The following CNMD variants were observed in gnomAD, a reference collection of about 807,000 sequenced individuals.
CNMD encodes the protein leukocyte cell-derived chemotaxin 1.
Under a neutral mutation model 37.5 loss-of-function variants are expected in CNMD, and 30 were observed. The observed-to-expected ratio is 0.80, with a 90% CI of 0.60 to 1.09. CNMD has a LOEUF of 1.09. CNMD is among the 50% of genes least tolerant of loss of function. CNMD has a pLI of 0.00. For missense variants in CNMD, 398 were observed against 423.9 expected, an observed-to-expected ratio of 0.94 and a Z score of 0.54; for synonymous variants, 167 against 148.2, an observed-to-expected ratio of 1.13 and a Z score of -0.92.
chr13:52,739,203 G>A lies in CNMD; in HGVS notation c.73-32C>T, dbSNP rs1964838839. 2.8e-6 allele frequency: 4 copies of A among 1,447,198 alleles called. No individual in the cohort carries two copies. In the East Asian group the frequency reaches 8.2e-5, roughly 30 times the overall value. 89.6% of individuals were successfully genotyped at this position (1,447,198 alleles called of 1,614,324 possible). On this transcript the variant is annotated intron_variant, in intron 1 of 6. Transcript: ENST00000377962. The surrounding 1 kb of genome is among the most constrained non-coding windows in gnomAD (Gnocchi z 5.4). The stretch of plus-strand genomic sequence containing the variant: ...GCCGGGGCGGGAGAGGGACCGTCGC[G>A]TTTGTGCCGCCAGCACCTGCGGCCC...
chr13:52,733,622 T>G, intron 2 of CNMD: 1 of 510,928 alleles, frequency 2.0e-6, no homozygotes, highest in South Asian at 1.7e-5. Context: ...ATGCTGGCTG[T>G]ACTTTAGAAG....
intron 3 of CNMD, among the ~76,000 whole-genome samples, chr13:52,728,971 A>T (rs1273486422): frequency 1.3e-5 from 2 of 152,166 alleles, no homozygotes; most frequent in Admixed American, 1.3e-4. Flanking sequence ...AGCCAAGCAA[A>T]CCTCCTGTTT....
intron 5 of CNMD, among the ~76,000 whole-genome samples, chr13:52,709,954 C>T (rs952669813): frequency 6.6e-6 from 1 of 151,998 alleles, no homozygotes; most frequent in African/African-American, 2.4e-5. Flanking sequence ...GCCTGGGTGA[C>T]GAGTGAAACT....
At chr13:52,712,178 T>C (rs1367922281) in intron 5 of CNMD, among the ~76,000 whole-genome samples, 2 of 102,734 alleles carry the variant, frequency 1.9e-5, no homozygotes, top group South Asian at 4.0e-4. Context: ...CTCAAAGATA[T>C]GCTCCAGCCT....
intron 3 of CNMD, among the ~76,000 whole-genome samples, chr13:52,727,498 C>T (rs927005906): frequency 6.6e-6 from 1 of 151,998 alleles, no homozygotes. Context: ...CCCATTTCTA[C>T]AAAAAAATTT....
chr13:52,726,020 T>C (rs765177229), intron 3 of CNMD, among the ~76,000 whole-genome samples: 4 of 152,220 alleles, frequency 2.6e-5, no homozygotes, highest in Non-Finnish European at 4.4e-5. Context: ...TGTATACATA[T>C]GTAACTCATT....
chr13:52,708,522 G>A lies in CNMD; in HGVS notation c.789+14C>T, dbSNP rs766424034. On this transcript the variant is annotated intron_variant, in intron 6 of 6. Coordinates refer to ENST00000377962, the MANE Select transcript of CNMD (RefSeq NM_007015.3). ...TGCATTTGTCTAATCATGTCAAAAA[G>A]CACCGGAACGCACATGATAAGGATT... 7 of 1,600,274 alleles carry A rather than the reference G, an allele frequency of 4.4e-6. No individual in the cohort carries two copies. In the South Asian group the frequency reaches 5.7e-5, roughly 13 times the overall value.
At chr13:52,724,518 G>A (rs978149665) in intron 3 of CNMD, among the ~76,000 whole-genome samples, 4 of 152,170 alleles carry the variant, frequency 2.6e-5, no homozygotes, top group South Asian at 2.1e-4. Context: ...GTGAACCGGG[G>A]AGGCGGAGCT....
At chr13:52,736,773 A>T (rs1363320537) in intron 2 of CNMD, among the ~76,000 whole-genome samples, 1 of 152,192 alleles carries the variant, frequency 6.6e-6, no homozygotes. Context: ...AATGTTTGGG[A>T]AAATGTCTAG....
intron 6 of CNMD, among the ~76,000 whole-genome samples, chr13:52,708,257 C>T (rs936955101): frequency 1.3e-5 from 2 of 151,904 alleles, no homozygotes; most frequent in African/African-American, 4.8e-5. Context: ...TCTCGGCTCA[C>T]TGCAACCTCC....
chr13:52,733,015 GT>G lies in CNMD; in HGVS notation c.354+203del, dbSNP rs1049417276. 3 of 589,222 alleles carry G rather than the reference GT, an allele frequency of 5.1e-6. No individual in the cohort carries two copies. The African/African-American group carries it at 5.6e-5, about 11-fold the overall frequency. 36.5% of individuals were successfully genotyped at this position (589,222 alleles called of 1,614,324 possible). On this transcript the variant is annotated intron_variant, in intron 3 of 6. Transcript: ENST00000377962. ...TTTGGTATTTTACAACTGAAGTGTT[GT>G]TTTTTTCTTTTGCAAATATGAAGGA...
intron 3 of CNMD, among the ~76,000 whole-genome samples, chr13:52,730,458 A>G (rs990710444): frequency 7.9e-5 from 12 of 151,750 alleles, no homozygotes; most frequent in African/African-American, 2.9e-4. Flanking sequence ...AAGTGTTCCT[A>G]TTTCTCCACA....
At chr13:52,723,729 A>C (rs183459779) in intron 4 of CNMD, among the ~76,000 whole-genome samples, 66 of 152,142 alleles carry the variant, frequency 4.3e-4, no homozygotes, top group Admixed American at 3.7e-3. Flanking sequence ...CAGGAGTTCA[A>C]GAAGAGCCTG....
intron 2 of CNMD, among the ~76,000 whole-genome samples, chr13:52,737,649 C>T (rs1038218649): frequency 5.9e-5 from 9 of 152,176 alleles, no homozygotes; most frequent in African/African-American, 2.2e-4. Flanking sequence ...TGTTATCCCC[C>T]ATTGACCTAT....
chr13:52,738,047 A>G (rs1964802661), intron 2 of CNMD, among the ~76,000 whole-genome samples: 1 of 152,238 alleles, frequency 6.6e-6, no homozygotes, highest in Non-Finnish European at 1.5e-5. Context: ...TTTCAGCACC[A>G]TTTTCTGTAA....
chr13:52,703,459 AAG>A lies in CNMD; in HGVS notation c.*134_*135del, dbSNP rs1964118396. 5.0e-6 allele frequency: 3 copies of A among 599,142 alleles called. No individual in the cohort carries two copies. Among genetic ancestry groups the A allele is most frequent in the Admixed American group, 5.9e-5 (2 of 34,070 alleles). 37.1% of individuals were successfully genotyped at this position (599,142 alleles called of 1,614,324 possible). On this transcript the variant is annotated 3_prime_UTR_variant, in exon 7 of 7. Transcript: ENST00000377962. ...GGAAAACAATTGAAAAAATTCTGTTAAGAGTGTCAAGAATAACCGCTCAGGTT... is the reference window on the plus strand; with the variant it reads ...GGAAAACAATTGAAAAAATTCTGTTAAGTGTCAAGAATAACCGCTCAGGTT...
At chr13:52,710,371 G>T (rs1335932872) in intron 5 of CNMD, among the ~76,000 whole-genome samples, 1 of 152,236 alleles carries the variant, frequency 6.6e-6, no homozygotes, top group East Asian at 1.9e-4. Context: ...TACCCCAACA[G>T]TTGTTGGCAA....
chr13:52,739,526 C>T lies in CNMD; in HGVS notation c.72+104G>A. The T allele has an allele frequency of 1.9e-6, 2 of 1,068,762 alleles. No homozygotes were observed. The highest frequency in any genetic ancestry group is 2.9e-6 in the Non-Finnish European group (2 of 697,274). 66.2% of individuals were successfully genotyped at this position (1,068,762 alleles called of 1,614,324 possible). ...ACATTTGGGACCCAAATTTATCCCCCCGCCAACACACCCATTCGGTGGCAC... is the reference window on the plus strand; with the variant it reads ...ACATTTGGGACCCAAATTTATCCCCTCGCCAACACACCCATTCGGTGGCAC... On this transcript the variant is annotated intron_variant, in intron 1 of 6. Transcript: ENST00000377962. This position sits in a 1 kb window ranked among gnomAD's most constrained non-coding sequence, Gnocchi z 5.4.
chr13:52,738,157 T>C (rs1964805302), intron 2 of CNMD, among the ~76,000 whole-genome samples: 1 of 152,232 alleles, frequency 6.6e-6, no homozygotes, highest in Non-Finnish European at 1.5e-5. Context: ...GAGCCCTTTG[T>C]GTGTGCCCTG....
Sources: allele counts gnomAD v4.1 joint callset (sites outside exome capture counted in the v4.1 genomes callset), GRCh38; gene constraint gnomAD v4.1.1; non-coding constraint Gnocchi (gnomAD v3.1); transcripts MANE v1.5; gene names NCBI Gene and HGNC (gene_info 2026-07-23, HGNC 2026-07-21).